The following WDR20 variants were observed in gnomAD, a reference collection of about 807,000 sequenced individuals.
The protein encoded by WDR20 is WD repeat-containing protein 20.
A neutral mutation model predicts 38.7 loss-of-function variants in WDR20; 3 were observed. The observed-to-expected ratio is 0.08, with a 90% CI of 0.04 to 0.20. The LOEUF (loss-of-function observed/expected upper bound fraction) is 0.20. Ranked by LOEUF, WDR20 falls within the 10% of genes least tolerant of loss-of-function variation. The probability of loss-of-function intolerance (pLI) is 1.00; values close to 1 mark genes in which losing one functional copy is unlikely to be tolerated. For synonymous variants in WDR20, 298 were observed against 285.6 expected (o/e 1.04, Z -0.44); for missense variants, 559 against 727.7 (o/e 0.77, Z 2.67).
chr14:102,208,653 G>A lies in WDR20; in HGVS notation c.483G>A (p.Ser161=), dbSNP rs145954368. ...CCTGTGTCAAATGGGTTCCCGGTTC[G>A]GAAAGCCTTTTCCTAGTAGCCCACT... ...RVTCVKWVPG[S]ESLFLVAHSS... is the part of the protein sequence containing the mutation. Residue 161 remains serine, a synonymous_variant, in exon 3 of 3, where the codon TCG becomes TCA. Transcript: ENST00000342702. The surrounding 1 kb of genome is among the most constrained non-coding windows in gnomAD (Gnocchi z 5.6). 1.9e-4 allele frequency: 304 copies of A among 1,612,490 alleles called. No individual in the cohort carries two copies. Among genetic ancestry groups the A allele is most frequent in the Non-Finnish European group, 2.5e-4 (297 of 1,178,720 alleles).
intron 2 of WDR20, among the ~76,000 whole-genome samples, chr14:102,199,364 A>G (rs1424124182): frequency 6.6e-6 from 1 of 152,012 alleles, no homozygotes; most frequent in East Asian, 1.9e-4. Flanking sequence ...GTGGAGGTTG[A>G]GAGAAACTCA....
intron 1 of WDR20, among the ~76,000 whole-genome samples, chr14:102,183,120 A>T (rs986606868): frequency 6.6e-6 from 1 of 152,182 alleles, no homozygotes; most frequent in Non-Finnish European, 1.5e-5. Context: ...TTATTTGAGG[A>T]TATTCGACAT....
chr14:102,183,409 A>T (rs1695053071), intron 1 of WDR20, among the ~76,000 whole-genome samples: 1 of 152,142 alleles, frequency 6.6e-6, no homozygotes, highest in Admixed American at 6.5e-5. Flanking sequence ...ATGTTCTCTC[A>T]CTCTAGCTCT....
downstream of WDR20, among the ~76,000 whole-genome samples, chr14:102,217,535 C>T (rs989351508): frequency 6.6e-6 from 1 of 152,220 alleles, no homozygotes; most frequent in Admixed American, 6.5e-5. Context: ...GGTCCACTGC[C>T]CAGCTATAAC....
At chr14:102,163,602 T>C (rs2152787523) in intron 1 of WDR20, among the ~76,000 whole-genome samples, 1 of 114,064 alleles carries the variant, frequency 8.8e-6, no homozygotes, top group South Asian at 2.8e-4. Context: ...CACTCCAGCC[T>C]GGGTGACAGA....
chr14:102,193,991 G>A (rs954902929), intron 1 of WDR20, among the ~76,000 whole-genome samples: 2 of 152,110 alleles, frequency 1.3e-5, no homozygotes, highest in Non-Finnish European at 2.9e-5. Context: ...AAGTGGGGAG[G>A]GCACATTGAA....
intron 1 of WDR20, among the ~76,000 whole-genome samples, chr14:102,161,718 G>A (rs1036144506): frequency 3.9e-5 from 6 of 152,048 alleles, no homozygotes; most frequent in Non-Finnish European, 8.8e-5. Context: ...AGATTCCATT[G>A]GTTCTGCTTT....
At chr14:102,153,529 A>T (rs1426323169) in intron 1 of WDR20, among the ~76,000 whole-genome samples, 1 of 151,670 alleles carries the variant, frequency 6.6e-6, no homozygotes, top group Non-Finnish European at 1.5e-5. Context: ...GATGGTCTCG[A>T]TTTCCTAACC....
chr14:102,180,201 A>C (rs2063090836), intron 1 of WDR20, among the ~76,000 whole-genome samples: 1 of 152,344 alleles, frequency 6.6e-6, no homozygotes, highest in Admixed American at 6.5e-5. Context: ...ACTTTGTTCC[A>C]GGTATGATTC....
At chr14:102,166,855 A>G (rs1252358959) in intron 1 of WDR20, among the ~76,000 whole-genome samples, 2 of 152,130 alleles carry the variant, frequency 1.3e-5, no homozygotes, top group Non-Finnish European at 2.9e-5. Flanking sequence ...TGAAGTATAT[A>G]TCTTGACTAC....
At chr14:102,206,531 C>T (rs562174052) in intron 2 of WDR20, among the ~76,000 whole-genome samples, 1 of 152,278 alleles carries the variant, frequency 6.6e-6, no homozygotes, top group South Asian at 2.1e-4. Context: ...TTTCTCCACA[C>T]ATGGTAAATA....
chr14:102,139,834 G>C (rs2050240655), upstream of WDR20: 3 of 1,544,830 alleles, frequency 1.9e-6, no homozygotes. Context: ...GGAAGAGGCA[G>C]GGGGTGGGGG....
chr14:102,190,109 T>C (rs1229280065), intron 1 of WDR20, among the ~76,000 whole-genome samples: 1 of 152,100 alleles, frequency 6.6e-6, no homozygotes, highest in African/African-American at 2.4e-5. Context: ...AGAGGCAAGA[T>C]GGTGTAGAGC....
At chr14:102,189,437 A>C (rs574175256) in intron 1 of WDR20, among the ~76,000 whole-genome samples, 1 of 152,336 alleles carries the variant, frequency 6.6e-6, no homozygotes, top group African/African-American at 2.4e-5. Context: ...CATGAGCATA[A>C]TGATAAAATT....
chr14:102,183,550 C>T (rs1285330748), intron 1 of WDR20, among the ~76,000 whole-genome samples: 1 of 152,146 alleles, frequency 6.6e-6, no homozygotes, highest in African/African-American at 2.4e-5. Context: ...CTAGCTGACG[C>T]TGGGTGATTG....
intron 2 of WDR20, among the ~76,000 whole-genome samples, chr14:102,201,945 G>A (rs1401713295): frequency 2.0e-5 from 3 of 151,804 alleles, no homozygotes; most frequent in African/African-American, 7.3e-5. Flanking sequence ...GAGGGGCTGC[G>A]ACTGGGACTG....
upstream of WDR20, chr14:102,139,740 C>T (rs2050227831): frequency 3.3e-6 from 3 of 903,222 alleles, no homozygotes. Flanking sequence ...GTGAGCACGC[C>T]TGCGCAGTCG....
chr14:102,153,586 G>T (rs1323716495), intron 1 of WDR20, among the ~76,000 whole-genome samples: 11 of 152,088 alleles, frequency 7.2e-5, no homozygotes, highest in Admixed American at 7.2e-4. Flanking sequence ...GATTACAGGC[G>T]TGAGCCACCG....
intron 1 of WDR20, among the ~76,000 whole-genome samples, chr14:102,174,301 T>G (rs148178986): frequency 0.01 from 1,523 of 152,276 alleles, 26 homozygotes; most frequent in African/African-American, 0.035. Flanking sequence ...TACTTTTAGT[T>G]CTTTAAGGAA....
Sources: gnomAD v4.1 joint callset for allele counts (sites outside exome capture counted in the v4.1 genomes callset) on GRCh38, gnomAD v4.1.1 for gene constraint, Gnocchi (gnomAD v3.1) non-coding constraint, MANE v1.5 for transcripts, NCBI Gene and HGNC (gene_info 2026-07-23, HGNC 2026-07-21) for gene names.